COPA: variants seen among roughly 807,000 people sequenced by gnomAD.
COPA encodes coatomer subunit alpha.
Under a neutral mutation model 158.7 loss-of-function variants are expected in COPA, and 10 were observed. The ratio of observed to expected loss-of-function variants is 0.06; its 90% CI spans 0.04 to 0.11. The LOEUF is 0.11. Ranked by LOEUF, COPA falls within the 10% of genes least tolerant of loss-of-function variation. The pLI is 1.00. For missense variants in COPA, 1,065 were observed against 1,536.7 expected (o/e 0.69, Z 5.13); for synonymous variants, 462 against 542.8 (o/e 0.85, Z 2.07).
chr1:160,315,678 C>T (rs76364255), intron 8 of COPA, among the ~76,000 whole-genome samples: 3 of 152,178 alleles, frequency 2.0e-5, no homozygotes, highest in Non-Finnish European at 4.4e-5. Context: ...ACAGAGAAAA[C>T]TGGAATAAGT....
chr1:160,320,839 A>T (rs940810829), intron 8 of COPA, among the ~76,000 whole-genome samples: 21 of 151,326 alleles, frequency 1.4e-4, no homozygotes, highest in African/African-American at 4.8e-4. Flanking sequence ...AATATTTTCA[A>T]ACTCATTCTA....
chr1:160,314,164 C>T, intron 8 of COPA, 39 bp from the exon 9 acceptor site: 1 of 1,582,658 alleles, frequency 6.3e-7, no homozygotes, highest in Non-Finnish European at 8.6e-7. Context: ...CAATTCCCTA[C>T]TACTATAACT....
chr1:160,295,006 G>T (rs1658354978), intron 23 of COPA, 149 bp from the exon 24 acceptor site: 2 of 642,788 alleles, frequency 3.1e-6, no homozygotes, highest in Non-Finnish European at 2.7e-6. Flanking sequence ...TATTTTTGTG[G>T]TATATATGTT....
chr1:160,319,853 A>C (rs1659272762), intron 8 of COPA, among the ~76,000 whole-genome samples: 1 of 150,858 alleles, frequency 6.6e-6, no homozygotes, highest in Non-Finnish European at 1.5e-5. Flanking sequence ...AATGTAACAA[A>C]ATTTATGGGA....
rs1557860765 is a variant in COPA, at chr1:160,294,600, G to A, written c.2567-7C>T. 6.2e-7 allele frequency: 1 copy of A among 1,613,978 alleles called. No homozygotes were observed. The highest frequency in any genetic ancestry group is 8.5e-7 in the Non-Finnish European group (1 of 1,179,884). On this transcript the variant is annotated splice_region_variant and splice_polypyrimidine_tract_variant and intron_variant, in intron 24 of 32. Coordinates refer to ENST00000241704, the MANE Select transcript of COPA (RefSeq NM_004371.4). Reference sequence around the variant, plus strand: ...GTAGCCTCCACAAACCCATCTGTAAGGAAAATTCAAGCTCAAAACAGATTT... The same window carrying A: ...GTAGCCTCCACAAACCCATCTGTAAAGAAAATTCAAGCTCAAAACAGATTT...
rs916164295 is a variant in COPA, at chr1:160,298,729, A to G, written c.1977+116T>C. On this transcript the variant is annotated intron_variant, in intron 19 of 32. Coordinates refer to ENST00000241704, the MANE Select transcript of COPA (RefSeq NM_004371.4). The stretch of plus-strand genomic sequence containing the variant: ...TGGCTCAATGTAACAACTAAAAAAA[A>G]TCCCAAATTTCATTATTCTGGCTAA... 13 of 1,359,744 alleles carry G rather than the reference A, an allele frequency of 9.6e-6. No homozygotes were observed. The Admixed American group carries it at 1.8e-4, about 19-fold the overall frequency. The allele number at this position is 1,359,744 out of a possible 1,614,324, so 84.2% of individuals were successfully genotyped here.
chr1:160,315,841 G>A (rs1659113449), intron 8 of COPA, among the ~76,000 whole-genome samples: 1 of 152,072 alleles, frequency 6.6e-6, no homozygotes, highest in Non-Finnish European at 1.5e-5. Context: ...ATTAAAACTG[G>A]TAGTTTAAAG....
At chr1:160,291,966 GA>G in intron 29 of COPA, 37 bp from the exon 30 acceptor site, 1 of 1,614,154 alleles carries the variant, frequency 6.2e-7, no homozygotes, top group Non-Finnish European at 8.5e-7. Flanking sequence ...ACAGAGACAA[GA>G]ATGTGGAAGT....
chr1:160,335,223 C>T lies in COPA; in HGVS notation c.309+19G>A, dbSNP rs2101874655. The T allele has an allele frequency of 5.7e-6, 9 of 1,589,378 alleles. No individual in the cohort carries two copies. The highest frequency in any genetic ancestry group is 7.7e-6 in the Non-Finnish European group (9 of 1,167,674). On this transcript the variant is annotated intron_variant, in intron 4 of 32. Transcript: ENST00000241704. ...GAAACTAAGAATGCTCCAAAACTAG[C>T]GCCACCATGACTACTTACATGATGA...
chr1:160,338,513 C>T (rs57543344), intron 3 of COPA, among the ~76,000 whole-genome samples: 5,022 of 152,192 alleles, frequency 0.033, 277 homozygotes, highest in African/African-American at 0.12. Context: ...ATGAAAACAA[C>T]TAAAGGAAGT....
In COPA at chr1:160,341,455, A is replaced by G. The variant is rs185763002; in HGVS notation, c.41-1161T>C. Among the ~76,000 whole-genome samples, 4 of 152,364 alleles carry G rather than the reference A, an allele frequency of 2.6e-5. No individual in the cohort carries two copies. In the East Asian group the frequency reaches 7.7e-4, roughly 29 times the overall value. On this transcript the variant is annotated intron_variant, in intron 1 of 32. Coordinates refer to ENST00000241704, the MANE Select transcript of COPA (RefSeq NM_004371.4). The stretch of plus-strand genomic sequence containing the variant: ...CAATTTTTGGCTATCAGAAGAGCCT[A>G]CTGAAGATACTTCTACACATAATCT...
At chr1:160,329,697 C>T (rs1483278785) in intron 6 of COPA, among the ~76,000 whole-genome samples, 2 of 152,208 alleles carry the variant, frequency 1.3e-5, no homozygotes, top group Non-Finnish European at 2.9e-5. Context: ...GTAACAAATT[C>T]TCTATGAACT....
chr1:160,323,174 G>A (rs1209536817), intron 8 of COPA, among the ~76,000 whole-genome samples: 2 of 152,080 alleles, frequency 1.3e-5, no homozygotes, highest in Admixed American at 1.3e-4. Flanking sequence ...TATTAAGATC[G>A]AGAGTAGAAT....
intron 26 of COPA, 50 bp from the exon 27 acceptor site, chr1:160,293,284 T>C: frequency 5.0e-6 from 8 of 1,612,626 alleles, no homozygotes; most frequent in Non-Finnish European, 6.8e-6. Flanking sequence ...GTCCCTTCTC[T>C]ATTCTCCTCT....
chr1:160,307,942 C>T (rs1658841258), intron 13 of COPA, among the ~76,000 whole-genome samples: 1 of 152,170 alleles, frequency 6.6e-6, no homozygotes, highest in African/African-American at 2.4e-5. Context: ...AACATGCTGG[C>T]CAGTCTTGCC....
intron 1 of COPA, 93 bp downstream of exon 1, chr1:160,343,038 T>C (rs1322487174): frequency 6.6e-7 from 1 of 1,521,746 alleles, no homozygotes; most frequent in South Asian, 1.1e-5. Context: ...GGTGGGCCCA[T>C]TTCGACCAAC....
chr1:160,293,382 T>C lies in COPA; in HGVS notation c.2754+4A>G, dbSNP rs75190422. The C allele has an allele frequency of 2.1e-3, 3,310 of 1,613,514 alleles. 73 individuals carry two copies. In the African/African-American group the frequency reaches 0.04, roughly 19 times the overall value. Reference sequence around the variant, plus strand: ...CCTGCCGTGCTAGGTTTCTTCCCGCTTACCTGAGTTGGACTTGTTCCCTTG... The same window carrying C: ...CCTGCCGTGCTAGGTTTCTTCCCGCCTACCTGAGTTGGACTTGTTCCCTTG... On this transcript the variant is annotated splice_donor_region_variant and intron_variant, in intron 26 of 32. Transcript: ENST00000241704.
intron 17 of COPA, among the ~76,000 whole-genome samples, chr1:160,302,876 A>G (rs1658663162): frequency 6.6e-6 from 1 of 152,076 alleles, no homozygotes. Flanking sequence ...AGTTACTTTA[A>G]AAACTTATAT....
intron 8 of COPA, among the ~76,000 whole-genome samples, chr1:160,319,334 A>G (rs1025195217): frequency 2.6e-5 from 4 of 151,970 alleles, no homozygotes; most frequent in African/African-American, 9.7e-5. Context: ...GCAAGAGGAA[A>G]TAACAATTAT....
Sources: gnomAD v4.1 joint callset for allele counts (sites outside exome capture counted in the v4.1 genomes callset) on GRCh38, gnomAD v4.1.1 for gene constraint, MANE v1.5 for transcripts, NCBI Gene and HGNC (gene_info 2026-07-23, HGNC 2026-07-21) for gene names.